TTC4: variants seen among roughly 807,000 people sequenced by gnomAD.
TTC4 encodes the protein tetratricopeptide repeat domain 4.
In TTC4, 36 loss-of-function variants were observed where a neutral mutation model predicts 51.9. That is an observed-to-expected ratio of 0.69 (90% confidence interval 0.53 to 0.92). The LOEUF (loss-of-function observed/expected upper bound fraction) is 0.92. Among genes scored for constraint, TTC4 ranks in the 40% least tolerant of loss-of-function variants. The pLI, the probability that TTC4 is intolerant of heterozygous loss-of-function variation, is 0.00. For missense variants in TTC4, 399 were observed against 454.6 expected (o/e 0.88, Z 1.11); for synonymous variants, 144 against 164.2 (o/e 0.88, Z 0.94).
chr1:54,741,260 C>A, intron 9 of TTC4, 151 bp from the exon 10 acceptor site: 1 of 759,228 alleles, frequency 1.3e-6, no homozygotes. Context: ...GCTAATTTGC[C>A]AGATTTATGA....
At chr1:54,729,586 CTG>C (rs1286642852) in intron 6 of TTC4, among the ~76,000 whole-genome samples, 1 of 152,180 alleles carries the variant, frequency 6.6e-6, no homozygotes, top group Non-Finnish European at 1.5e-5. Context: ...AAATGCCACC[CTG>C]TCTTTCTCTT....
chr1:54,720,195 C>T (rs759616555), intron 3 of TTC4, among the ~76,000 whole-genome samples: 1 of 152,066 alleles, frequency 6.6e-6, no homozygotes, highest in Non-Finnish European at 1.5e-5. Flanking sequence ...AGCCACCTCC[C>T]CAGAGGTTTC....
At position 54,741,573 on chromosome 1, in the gene TTC4, T is replaced by A; in HGVS notation, c.*60T>A. 7.4e-7 allele frequency: 1 copy of A among 1,344,396 alleles called. No individual in the cohort carries two copies. The highest frequency in any genetic ancestry group is 1.1e-6 in the Non-Finnish European group (1 of 936,252). 83.3% of individuals were successfully genotyped at this position (1,344,396 alleles called of 1,614,324 possible). A position where few individuals can be genotyped will look rare whatever the true frequency, so the allele number is the denominator to read the frequency against. On this transcript the variant is annotated 3_prime_UTR_variant, in exon 10 of 10. Coordinates refer to ENST00000371281, the MANE Select transcript of TTC4 (RefSeq NM_004623.5). Reference sequence around the variant, plus strand: ...TCCTCTGCTGGGAACCTAGCACACCTGAATCAGCTGGACATACTGCTGGAG... The same window carrying A: ...TCCTCTGCTGGGAACCTAGCACACCAGAATCAGCTGGACATACTGCTGGAG...
rs1044376967 is a variant in TTC4 at position 54,741,651 on chromosome 1, G to A, written c.*138G>A. On this transcript the variant is annotated 3_prime_UTR_variant, in exon 10 of 10. Transcript: ENST00000371281. Reference sequence around the variant, plus strand: ...GGATAGTCCTTCCTGGCATCGTGGTGGGGGAGGAGCCTCTGGCTTCCCTAA... The same window carrying A: ...GGATAGTCCTTCCTGGCATCGTGGTAGGGGAGGAGCCTCTGGCTTCCCTAA... The A allele has an allele frequency of 1.4e-6, 1 of 714,756 alleles. No homozygotes were observed. Among genetic ancestry groups the A allele is most frequent in the South Asian group, 1.7e-5 (1 of 57,246 alleles). 44.3% of individuals were successfully genotyped at this position (714,756 alleles called of 1,614,324 possible).
chr1:54,727,913 G>A (rs1645820711), intron 5 of TTC4, among the ~76,000 whole-genome samples: 1 of 152,034 alleles, frequency 6.6e-6, no homozygotes, highest in Non-Finnish European at 1.5e-5. Flanking sequence ...TAATAATTAG[G>A]AAATGCAAAT....
chr1:54,717,665 G>C lies in TTC4; in HGVS notation c.391+12G>C. ...ACAGTACTATCTGGGTAATTTATAAGTGCTTTCTGAAGAATAAACTTATGA... is the reference window on the plus strand; with the variant it reads ...ACAGTACTATCTGGGTAATTTATAACTGCTTTCTGAAGAATAAACTTATGA... On this transcript the variant is annotated intron_variant, in intron 3 of 9. Coordinates refer to ENST00000371281, the MANE Select transcript of TTC4 (RefSeq NM_004623.5). The C allele has an allele frequency of 6.6e-7, 1 of 1,515,106 alleles. No individual in the cohort carries two copies. The highest frequency in any genetic ancestry group is 8.8e-7 in the Non-Finnish European group (1 of 1,132,692). The allele number at this position is 1,515,106 out of a possible 1,614,324, so 93.9% of individuals were successfully genotyped here.
chr1:54,737,369 T>G, intron 8 of TTC4: 2 of 511,558 alleles, frequency 3.9e-6, no homozygotes, highest in Middle Eastern at 5.3e-4. Flanking sequence ...CTCTGAGCCT[T>G]GATTCTGTCT....
chr1:54,722,934 GAGCACAC>G, intron 5 of TTC4, 135 bp downstream of exon 5: 1 of 1,161,236 alleles, frequency 8.6e-7, no homozygotes, highest in South Asian at 1.6e-5. Context: ...GAACTCTGTG[GAGCACAC>G]AGACAAGTAA....
chr1:54,717,614 G>A lies in TTC4; in HGVS notation c.352G>A (p.Val118Ile), dbSNP rs1645691845. Residue 118 changes from valine (V) to isoleucine (I), a missense_variant, in exon 3 of 10, where the codon GTC becomes ATC. By Grantham distance (29) the Val-to-Ile change is conservative (BLOSUM62 3). Coordinates refer to ENST00000371281, the MANE Select transcript of TTC4 (RefSeq NM_004623.5). Reference sequence around the variant, plus strand: ...ATGTGCAGATCCTGATTTGAATGCTGTCCTTTATACCAACCGGGCAGCAGC... The same window carrying A: ...ATGTGCAGATCCTGATTTGAATGCTATCCTTTATACCAACCGGGCAGCAGC... ...KKCADPDLNA[V>I]LYTNRAAAQY... The A allele has an allele frequency of 6.2e-7, 1 of 1,610,716 alleles. No homozygotes were observed. Among genetic ancestry groups the A allele is most frequent in the Non-Finnish European group, 8.5e-7 (1 of 1,178,792 alleles).
chr1:54,715,965 A>G lies in TTC4; in HGVS notation c.57A>G (p.Glu19=), dbSNP rs1031568980. The change falls in exon 1 of 10, where the codon GAA becomes GAG. Residue 19 remains glutamate, a synonymous_variant. Coordinates refer to ENST00000371281, the MANE Select transcript of TTC4 (RefSeq NM_004623.5). ...ACGACGTCATGGACTCGTTCCTGGAAAAGTTCCAGAGCCAGCCTTACCGTG... is the reference window on the plus strand; with the variant it reads ...ACGACGTCATGGACTCGTTCCTGGAGAAGTTCCAGAGCCAGCCTTACCGTG... The part of the protein sequence containing the change: ...TSDDVMDSFL[E]KFQSQPYRGG... 17 of 1,606,210 alleles carry G rather than the reference A, an allele frequency of 1.1e-5. No individual in the cohort carries two copies. The highest frequency in any genetic ancestry group is 1.4e-5 in the Non-Finnish European group (17 of 1,176,402).
intron 9 of TTC4, among the ~76,000 whole-genome samples, chr1:54,740,441 C>T (rs922478691): frequency 2.0e-5 from 3 of 152,164 alleles, no homozygotes; most frequent in African/African-American, 7.2e-5. Flanking sequence ...TTTTTGGACA[C>T]ATTTTTAGCT....
At chr1:54,740,490 T>C (rs12075730) in intron 9 of TTC4, among the ~76,000 whole-genome samples, 2,408 of 152,312 alleles carry the variant, frequency 0.016, 70 homozygotes, top group African/African-American at 0.054. Flanking sequence ...CCCAGAATTC[T>C]TTAAAGGCCT....
chr1:54,727,124 G>A (rs1194813580), intron 5 of TTC4, among the ~76,000 whole-genome samples: 1 of 150,618 alleles, frequency 6.6e-6, no homozygotes. Flanking sequence ...CAGAGCTACA[G>A]TAATCAAGGC....
intron 3 of TTC4, among the ~76,000 whole-genome samples, chr1:54,720,172 G>A (rs927686394): frequency 2.0e-5 from 3 of 152,098 alleles, no homozygotes; most frequent in African/African-American, 7.2e-5. Context: ...ATAGTGCTGG[G>A]ATTGCAGGAG....
At chr1:54,719,490 A>G (rs1378093257) in intron 3 of TTC4, among the ~76,000 whole-genome samples, 1 of 127,062 alleles carries the variant, frequency 7.9e-6, no homozygotes, top group Non-Finnish European at 1.6e-5. Context: ...AGTTAAATGT[A>G]TGTGTTCAAT....
At chr1:54,730,943 C>G (rs963232147) in intron 6 of TTC4, among the ~76,000 whole-genome samples, 1 of 152,184 alleles carries the variant, frequency 6.6e-6, no homozygotes, top group African/African-American at 2.4e-5. Context: ...CACCTCCAGC[C>G]CCCAAGGCTG....
chr1:54,716,664 C>T lies in TTC4; in HGVS notation c.176C>T (p.Pro59Leu). The T allele has an allele frequency of 6.2e-7, 1 of 1,613,802 alleles. No individual in the cohort carries two copies. The change falls in exon 2 of 10, where the codon CCT becomes CTT. Residue 59 changes from proline to leucine, a missense_variant. Transcript: ENST00000371281. ...TCAGAAATTGATCCCAGGGAGAATC[C>T]TGACTTGGCTTGTCTCCAGTCAATT... ...APSEIDPRENPDLACLQSIIF... is the reference protein window; with the variant it reads ...APSEIDPRENLDLACLQSIIF...
rs1457466736 is a variant in TTC4 at position 54,718,870 on chromosome 1, AC to A, written c.391+1219del. On this transcript the variant is annotated intron_variant, in intron 3 of 9. Transcript: ENST00000371281. ...TTGAACTCCTGAGCTCAAGTGATCC[AC>A]CTGCCTTGGTCTCCCAATGTGCTGT... Among the ~76,000 whole-genome samples, 2 of 151,994 alleles carry A rather than the reference AC, an allele frequency of 1.3e-5. 1 individual carries two copies. The highest frequency in any genetic ancestry group is 1.3e-4 in the Admixed American group (2 of 15,266).
rs753921402 is a variant in TTC4 at position 54,721,266 on chromosome 1, A to G, written c.469+26A>G. 13 of 1,608,884 alleles carry G rather than the reference A, an allele frequency of 8.1e-6. No individual in the cohort carries two copies. The South Asian group carries it at 1.3e-4, about 16-fold the overall frequency. The stretch of plus-strand genomic sequence containing the variant: ...GTAAGTCTTGTGGAACTACAGTATG[A>G]CATTTAAAGCTTTGATATGAAGGTG... On this transcript the variant is annotated intron_variant, in intron 4 of 9. Transcript: ENST00000371281.
Sources: gnomAD v4.1 joint callset for allele counts (sites outside exome capture counted in the v4.1 genomes callset) on GRCh38, gnomAD v4.1.1 for gene constraint, MANE v1.5 for transcripts, NCBI Gene and HGNC (gene_info 2026-07-23, HGNC 2026-07-21) for gene names.